FBXL2: variants seen among roughly 807,000 people sequenced by gnomAD.
The protein encoded by FBXL2 is F-box/LRR-repeat protein 2.
Under a neutral mutation model 69.2 loss-of-function variants are expected in FBXL2, and 38 were observed. That is an observed-to-expected ratio of 0.55 (90% confidence interval 0.42 to 0.72). The LOEUF (loss-of-function observed/expected upper bound fraction) is 0.72. FBXL2 is among the 30% of genes least tolerant of loss of function. The pLI is 0.00. For missense variants in FBXL2, 354 were observed against 520.3 expected, an observed-to-expected ratio of 0.68 and a Z score of 3.11; for synonymous variants, 192 against 201.3, an observed-to-expected ratio of 0.95 and a Z score of 0.39.
In FBXL2 at chr3:33,286,507, T is replaced by G. The variant is rs181461009; in HGVS notation, c.3+8992T>G. ...GTCAGGGACCCACTTGAGGAGGCAGTCTGTCTGTTCTCAGATCTCCAACTC... is the reference window on the plus strand; with the variant it reads ...GTCAGGGACCCACTTGAGGAGGCAGGCTGTCTGTTCTCAGATCTCCAACTC... On this transcript the variant is annotated intron_variant, in intron 1 of 14. Coordinates refer to ENST00000484457, the MANE Select transcript of FBXL2 (RefSeq NM_012157.5). Among the ~76,000 whole-genome samples the G allele has an allele frequency of 1.2e-3, 177 of 152,330 alleles. 1 individual carries two copies. Among genetic ancestry groups the G allele is most frequent in the African/African-American group, 4.1e-3 (171 of 41,580 alleles).
chr3:33,381,286 C>G (rs1319239728), intron 13 of FBXL2, among the ~76,000 whole-genome samples: 2 of 152,198 alleles, frequency 1.3e-5, no homozygotes, highest in Admixed American at 1.3e-4. Context: ...TACACCATCT[C>G]CATCATCTTT....
At chr3:33,412,546 G>A in the FBXL2 span, among the ~76,000 whole-genome samples, 1 of 148,654 alleles carries the variant, frequency 6.7e-6, no homozygotes, top group African/African-American at 2.5e-5. Flanking sequence ...CTGTGCCACT[G>A]CACTTATCCT....
chr3:33,378,764 T>G, intron 13 of FBXL2, 23 bp downstream of exon 13: 1 of 1,614,112 alleles, frequency 6.2e-7, no homozygotes, highest in Non-Finnish European at 8.5e-7. Context: ...TTTTCTGACA[T>G]TATTCACCTG....
At chr3:33,343,029 C>T (rs986100674) in intron 2 of FBXL2, among the ~76,000 whole-genome samples, 4 of 151,290 alleles carry the variant, frequency 2.6e-5, no homozygotes, top group South Asian at 2.1e-4. Flanking sequence ...CGTGAGCCAC[C>T]GTGCCCGGCC....
chr3:33,401,132 G>A, intron 12 of FBXL2: 1 of 903,732 alleles, frequency 1.1e-6, no homozygotes, highest in Non-Finnish European at 1.6e-6. Context: ...GGCAACAGTG[G>A]GAGACAGCTA....
At chr3:33,354,271 T>G (rs1389809129) in intron 2 of FBXL2, among the ~76,000 whole-genome samples, 1 of 152,100 alleles carries the variant, frequency 6.6e-6, no homozygotes, top group Non-Finnish European at 1.5e-5. Flanking sequence ...CCGAGCACTT[T>G]GGGAGGCCGA....
intron 5 of FBXL2, among the ~76,000 whole-genome samples, chr3:33,366,911 G>A (rs2154044668): frequency 6.6e-6 from 1 of 152,122 alleles, no homozygotes; most frequent in South Asian, 2.1e-4. Flanking sequence ...TTGGCAGTGA[G>A]CAAGCAACAG....
chr3:33,422,526 G>A, the FBXL2 span, among the ~76,000 whole-genome samples: 1 of 152,070 alleles, frequency 6.6e-6, no homozygotes, highest in Non-Finnish European at 1.5e-5. Flanking sequence ...AGATTAGCGT[G>A]GGCAATGAAT....
At chr3:33,283,576 G>A (rs963848413) in intron 1 of FBXL2, among the ~76,000 whole-genome samples, 1 of 152,206 alleles carries the variant, frequency 6.6e-6, no homozygotes, top group Non-Finnish European at 1.5e-5. Context: ...ATGAGTTAGG[G>A]AGGATACCCT....
At chr3:33,324,711 T>C (rs1404452622) in intron 2 of FBXL2, among the ~76,000 whole-genome samples, 2 of 152,204 alleles carry the variant, frequency 1.3e-5, no homozygotes, top group Non-Finnish European at 2.9e-5. Context: ...TGTAGCCTTG[T>C]AGTATAGTTT....
In FBXL2 at chr3:33,387,965, G is replaced by GAGAC. The variant is rs1050470633; in HGVS notation, c.*2358_*2361dup. On this transcript the variant is annotated 3_prime_UTR_variant, in exon 15 of 15. Transcript: ENST00000484457. ...GGTGCCTGTAGTCCCAGCTACTCAG[G>GAGAC]AGACTGAGGCAGAAGAATGGCGTGA... 29 of 151,326 alleles carry GAGAC rather than the reference G, an allele frequency of 1.9e-4. No individual in the cohort carries two copies. Among genetic ancestry groups the GAGAC allele is most frequent in the African/African-American group, 6.8e-4 (28 of 41,170 alleles). The allele number at this position is 151,326 out of a possible 1,614,324, so 9.4% of individuals were successfully genotyped here. A position where few individuals can be genotyped will look rare whatever the true frequency, so the allele number is the denominator to read the frequency against.
intron 2 of FBXL2, among the ~76,000 whole-genome samples, chr3:33,352,594 A>C (rs1395948010): frequency 6.6e-6 from 1 of 152,214 alleles, no homozygotes; most frequent in Non-Finnish European, 1.5e-5. Context: ...GAACTTTTAA[A>C]ACTCAGCAGT....
intron 2 of FBXL2, among the ~76,000 whole-genome samples, chr3:33,317,125 T>C (rs1207646494): frequency 1.3e-5 from 2 of 152,136 alleles, no homozygotes; most frequent in Non-Finnish European, 2.9e-5. Flanking sequence ...CTTGAACTCC[T>C]AGCCTTAAGC....
intron 2 of FBXL2, among the ~76,000 whole-genome samples, chr3:33,301,608 T>C (rs1383012373): frequency 1.3e-5 from 2 of 152,260 alleles, no homozygotes; most frequent in East Asian, 3.8e-4. Flanking sequence ...TTTTAGTTTG[T>C]TACTGAACAA....
chr3:33,366,900 C>T (rs552793306), intron 5 of FBXL2, among the ~76,000 whole-genome samples: 1 of 152,034 alleles, frequency 6.6e-6, no homozygotes, highest in East Asian at 1.9e-4. Flanking sequence ...GGAGGTGGAG[C>T]TTGGCAGTGA....
chr3:33,375,782 G>A (rs1405393122), intron 10 of FBXL2, among the ~76,000 whole-genome samples: 1 of 152,188 alleles, frequency 6.6e-6, no homozygotes, highest in East Asian at 1.9e-4. Flanking sequence ...CAGAACTGCT[G>A]CCAAATGGAC....
intron 12 of FBXL2, among the ~76,000 whole-genome samples, chr3:33,401,894 T>C (rs1208916327): frequency 2.6e-5 from 4 of 152,170 alleles, no homozygotes; most frequent in Non-Finnish European, 4.4e-5. Flanking sequence ...CATGGTAACC[T>C]ACTGGTCCTC....
chr3:33,373,880 T>G lies in FBXL2; in HGVS notation c.616T>G (p.Tyr206Asp), dbSNP rs759027256. The G allele has an allele frequency of 6.2e-7, 1 of 1,614,238 alleles. No homozygotes were observed. Among genetic ancestry groups the G allele is most frequent in the Admixed American group, 1.7e-5 (1 of 60,026 alleles). Residue 206 changes from tyrosine (Y) to aspartate (D), a missense_variant, in exon 9 of 15, where the codon TAC becomes GAC. Tyr to Asp is a radical substitution (Grantham distance 160). Transcript: ENST00000484457. The stretch of plus-strand genomic sequence containing the variant: ...TGAAGCTCTGAAACACATTCAGAAT[T>G]ACTGCCATGAGCTTGTGAGCCTCAA... ...EDEALKHIQN[Y>D]CHELVSLNLQ...
chr3:33,382,710 A>G (rs1317555250), intron 13 of FBXL2: 1 of 152,200 alleles, frequency 6.6e-6, no homozygotes, highest in East Asian at 1.9e-4. Context: ...CCCCTGCAGC[A>G]TATGAGACTT....
Sources: allele counts gnomAD v4.1 joint callset (sites outside exome capture counted in the v4.1 genomes callset), GRCh38; gene constraint gnomAD v4.1.1; transcripts MANE v1.5; gene names NCBI Gene and HGNC (gene_info 2026-07-23, HGNC 2026-07-21).